Variants in CDKAL1 observed in about 807,000 individuals in gnomAD.
The protein encoded by CDKAL1 is CDKAL1 threonylcarbamoyladenosine tRNA methylthiotransferase.
In CDKAL1, 32 loss-of-function variants were observed where a neutral mutation model predicts 68.2. The ratio of observed to expected loss-of-function variants is 0.47; its 90% CI spans 0.35 to 0.63. The LOEUF is 0.63. Ranked by LOEUF, CDKAL1 falls within the 30% of genes least tolerant of loss-of-function variation. The pLI is 0.00. For missense variants in CDKAL1, 606 were observed against 696.7 expected (o/e 0.87, Z 1.47); for synonymous variants, 234 against 244.3 (o/e 0.96, Z 0.39).
At chr6:21,026,420 T>C (rs902577481) in intron 11 of CDKAL1, among the ~76,000 whole-genome samples, 1 of 152,198 alleles carries the variant, frequency 6.6e-6, no homozygotes, top group African/African-American at 2.4e-5. Flanking sequence ...ATTTTATCTC[T>C]TTAGCTTCAC....
chr6:20,551,381 T>TC (rs1581711549), intron 4 of CDKAL1, among the ~76,000 whole-genome samples: 1 of 151,842 alleles, frequency 6.6e-6, no homozygotes, highest in Non-Finnish European at 1.5e-5. Context: ...TTTTTTTTTT[T>TC]TTTTGAGACG....
chr6:20,836,869 G>A (rs968476707), intron 8 of CDKAL1, among the ~76,000 whole-genome samples: 3 of 152,130 alleles, frequency 2.0e-5, no homozygotes, highest in Non-Finnish European at 4.4e-5. Flanking sequence ...TGAGGTCCGC[G>A]TGGGAAAGGT....
At chr6:20,679,274 T>C (rs575121968) in intron 5 of CDKAL1, among the ~76,000 whole-genome samples, 1 of 152,388 alleles carries the variant, frequency 6.6e-6, no homozygotes, top group East Asian at 1.9e-4. Flanking sequence ...AGTATCCTTT[T>C]ATTCCTGACT....
At chr6:20,772,335 A>G (rs1774981407) in intron 7 of CDKAL1, among the ~76,000 whole-genome samples, 1 of 152,200 alleles carries the variant, frequency 6.6e-6, no homozygotes, top group South Asian at 2.1e-4. Context: ...ACTAAGGGTC[A>G]ATACTAATGT....
chr6:20,891,135 G>A (rs1188339715), intron 9 of CDKAL1, among the ~76,000 whole-genome samples: 1 of 152,210 alleles, frequency 6.6e-6, no homozygotes, highest in Non-Finnish European at 1.5e-5. Context: ...GGCTTAACCA[G>A]TGATTTACAT....
intron 9 of CDKAL1, among the ~76,000 whole-genome samples, chr6:20,901,284 A>T (rs955514316): frequency 2.6e-5 from 4 of 152,264 alleles, no homozygotes; most frequent in Non-Finnish European, 1.5e-5. Flanking sequence ...TTATTCAACT[A>T]TAACATATAT....
intron 13 of CDKAL1, among the ~76,000 whole-genome samples, chr6:21,124,390 C>T (rs1389396739): frequency 6.6e-6 from 1 of 152,096 alleles, no homozygotes; most frequent in Non-Finnish European, 1.5e-5. Flanking sequence ...GCCATGGCTG[C>T]TCAGATGCAT....
At chr6:20,921,216 G>A (rs1762940946) in intron 9 of CDKAL1, among the ~76,000 whole-genome samples, 2 of 152,148 alleles carry the variant, frequency 1.3e-5, no homozygotes, top group South Asian at 4.1e-4. Context: ...GGATCACGAG[G>A]TCAAGAGATC....
chr6:21,064,244 C>T (rs1771294498), intron 11 of CDKAL1, among the ~76,000 whole-genome samples: 1 of 152,080 alleles, frequency 6.6e-6, no homozygotes, highest in Admixed American at 6.5e-5. Flanking sequence ...TGAAAGAAAG[C>T]ACACCCCTAC....
At chr6:20,744,198 G>A (rs1773572508) in intron 6 of CDKAL1, among the ~76,000 whole-genome samples, 1 of 152,084 alleles carries the variant, frequency 6.6e-6, no homozygotes. Context: ...ATATCTGTTT[G>A]AATGTTTCTG....
At position 20,955,484 on chromosome 6, in the gene CDKAL1, A is replaced by G; in HGVS notation, c.808A>G (p.Asn270Asp). 1.9e-6 allele frequency: 3 copies of G among 1,614,108 alleles called. No homozygotes were observed. Among genetic ancestry groups the G allele is most frequent in the Non-Finnish European group, 2.5e-6 (3 of 1,179,984 alleles). ...TGAYGRDIGT[N>D]LPTLLWKLVE... ...GGCTTATGGCAGAGATATTGGCACC[A>G]ATCTCCCCACACTCCTGTGGAAACT... The change falls in exon 10 of 16, where the codon AAT (asparagine) becomes GAT (aspartate). Residue 270 changes from asparagine (N) to aspartate (D), a missense_variant. Asn to Asp is a conservative substitution (Grantham distance 23, BLOSUM62 1). Coordinates refer to ENST00000274695, the MANE Select transcript of CDKAL1 (RefSeq NM_017774.3).
chr6:20,728,211 C>T (rs1772741431), intron 5 of CDKAL1, among the ~76,000 whole-genome samples: 1 of 152,140 alleles, frequency 6.6e-6, no homozygotes, highest in Admixed American at 6.5e-5. Flanking sequence ...GTCTTTCCAA[C>T]TTCATGTGTG....
At chr6:21,024,599 A>C (rs1008644989) in intron 11 of CDKAL1, among the ~76,000 whole-genome samples, 1 of 152,216 alleles carries the variant, frequency 6.6e-6, no homozygotes, top group Non-Finnish European at 1.5e-5. Flanking sequence ...CCAGCCTCAT[A>C]CACTTATTAG....
chr6:21,050,441 T>C (rs565315325), intron 11 of CDKAL1, among the ~76,000 whole-genome samples: 16 of 152,228 alleles, frequency 1.1e-4, no homozygotes, highest in Admixed American at 3.9e-4. Flanking sequence ...ACACTGGACA[T>C]TGAAGAGTGA....
intron 10 of CDKAL1, among the ~76,000 whole-genome samples, chr6:20,987,775 AC>A (rs1263039313): frequency 1.3e-5 from 2 of 151,812 alleles, no homozygotes; most frequent in Non-Finnish European, 2.9e-5. Context: ...GACTATAGAC[AC>A]ATCATTTTAT....
chr6:21,107,214 T>C (rs1264100164), intron 12 of CDKAL1, among the ~76,000 whole-genome samples: 1 of 152,132 alleles, frequency 6.6e-6, no homozygotes, highest in Non-Finnish European at 1.5e-5. Context: ...CCCAGAGTGC[T>C]GGGATTACAG....
chr6:20,619,756 G>A (rs1767092317), intron 4 of CDKAL1, among the ~76,000 whole-genome samples: 9 of 152,264 alleles, frequency 5.9e-5, no homozygotes, highest in Middle Eastern at 3.4e-3. Flanking sequence ...AGGTCTTCCA[G>A]AGCCCTGCAG....
At chr6:20,572,709 C>G (rs1473752240) in intron 4 of CDKAL1, among the ~76,000 whole-genome samples, 1 of 151,934 alleles carries the variant, frequency 6.6e-6, no homozygotes, top group African/African-American at 2.4e-5. Flanking sequence ...GATTTAGTCT[C>G]TGCATATTTT....
chr6:20,600,791 C>CATATATATAT (rs1336889610), intron 4 of CDKAL1, among the ~76,000 whole-genome samples: 3 of 77,240 alleles, frequency 3.9e-5, no homozygotes, highest in African/African-American at 1.2e-4. Flanking sequence ...TATATATACA[C>CATATATATAT]ACACACACAT....
Sources: allele counts gnomAD v4.1 joint callset (sites outside exome capture counted in the v4.1 genomes callset), GRCh38; gene constraint gnomAD v4.1.1; transcripts MANE v1.5; gene names NCBI Gene and HGNC (gene_info 2026-07-23, HGNC 2026-07-21).